Variants in CDH4 observed in about 807,000 individuals in gnomAD.
The protein encoded by CDH4 is cadherin 4.
A neutral mutation model predicts 86.0 loss-of-function variants in CDH4; 33 were observed. The ratio of observed to expected loss-of-function variants is 0.38; its 90% CI spans 0.29 to 0.51. The LOEUF is 0.51. Ranked by LOEUF, CDH4 falls within the 20% of genes least tolerant of loss-of-function variation. CDH4 has a pLI of 0.86. For synonymous variants in CDH4, 555 were observed against 549.4 expected (o/e 1.01, Z -0.14); for missense variants, 1,114 against 1,307.4 (o/e 0.85, Z 2.28).
At chr20:61,675,773 A>C (rs2087438367) in intron 2 of CDH4, among the ~76,000 whole-genome samples, 1 of 138,304 alleles carries the variant, frequency 7.2e-6, no homozygotes, top group Non-Finnish European at 1.6e-5. Flanking sequence ...CAACCATCGC[A>C]GGGGCTGAGG....
rs372624093 is a variant in CDH4 at position 61,902,805 on chromosome 20, G to A, written c.1189-7617G>A. Among the ~76,000 whole-genome samples, 4 of 152,294 alleles carry A rather than the reference G, an allele frequency of 2.6e-5. No individual in the cohort carries two copies. The highest frequency in any genetic ancestry group is 1.9e-4 in the East Asian group (1 of 5,176). On this transcript the variant is annotated intron_variant, in intron 8 of 15. Coordinates refer to ENST00000614565, the MANE Select transcript of CDH4 (RefSeq NM_001794.5). This position sits in a 1 kb window ranked among gnomAD's most constrained non-coding sequence, Gnocchi z 4.6. ...GGAGGAAGATTCTAGCATTGCAGAC[G>A]TCTAAGTATGAGGTCAGCGCCTCGT...
chr20:61,317,251 G>T (rs561336228), intron 2 of CDH4, among the ~76,000 whole-genome samples: 1 of 152,008 alleles, frequency 6.6e-6, no homozygotes, highest in Non-Finnish European at 1.5e-5. Context: ...GGTGGCGAGC[G>T]CCCGCAGTCC....
chr20:61,255,829 C>T (rs1600809625), intron 2 of CDH4, among the ~76,000 whole-genome samples: 1 of 152,104 alleles, frequency 6.6e-6, no homozygotes, highest in African/African-American at 2.4e-5. Context: ...CTCGCTCACG[C>T]TTATAGTGAA....
intron 2 of CDH4, among the ~76,000 whole-genome samples, chr20:61,693,321 T>C (rs2087679481): frequency 6.6e-6 from 1 of 152,250 alleles, no homozygotes; most frequent in Non-Finnish European, 1.5e-5. Context: ...TTCTGTGGAC[T>C]GCCTGCTCTG....
intron 2 of CDH4, among the ~76,000 whole-genome samples, chr20:61,688,326 T>C (rs2087611808): frequency 6.6e-6 from 1 of 151,724 alleles, no homozygotes; most frequent in African/African-American, 2.4e-5. Flanking sequence ...TCCTCCTCCC[T>C]CCTCTCTCCC....
intron 2 of CDH4, among the ~76,000 whole-genome samples, chr20:61,674,234 TG>T (rs541484351): frequency 8.1e-4 from 123 of 151,950 alleles, no homozygotes; most frequent in African/African-American, 2.8e-3. Flanking sequence ...CCGAGTCCCG[TG>T]GGGCGGAGAG....
chr20:61,777,944 C>T (rs2145994011), intron 4 of CDH4, among the ~76,000 whole-genome samples: 1 of 151,464 alleles, frequency 6.6e-6, no homozygotes, highest in South Asian at 2.1e-4. Flanking sequence ...GCATACTATA[C>T]ACACATGCAC....
chr20:61,431,118 C>A (rs2085243935), intron 2 of CDH4, among the ~76,000 whole-genome samples: 1 of 152,208 alleles, frequency 6.6e-6, no homozygotes, highest in Admixed American at 6.5e-5. Context: ...ACGCACAGAT[C>A]CACCCAAGGA....
chr20:61,759,374 G>A (rs1018279975), intron 3 of CDH4, among the ~76,000 whole-genome samples: 3 of 152,208 alleles, frequency 2.0e-5, no homozygotes, highest in Non-Finnish European at 4.4e-5. Context: ...GCAAGAACAG[G>A]GGTGTCTGTG....
chr20:61,718,925 G>A (rs762403908), intron 2 of CDH4: 1 of 471,092 alleles, frequency 2.1e-6, no homozygotes, highest in Admixed American at 2.3e-5. Flanking sequence ...CCAGCCCAGG[G>A]TGTTGGTTAG....
At chr20:61,607,591 T>C (rs926081032) in intron 2 of CDH4, among the ~76,000 whole-genome samples, 9 of 152,180 alleles carry the variant, frequency 5.9e-5, no homozygotes, top group African/African-American at 2.2e-4. Flanking sequence ...TTTAAGGAGT[T>C]TTTCCGACAC....
At chr20:61,523,420 T>C (rs999918505) in intron 2 of CDH4, among the ~76,000 whole-genome samples, 1 of 152,358 alleles carries the variant, frequency 6.6e-6, no homozygotes, top group Non-Finnish European at 1.5e-5. Flanking sequence ...GACACACCCT[T>C]CCAGCATTCC....
chr20:61,915,121 A>C (rs998322484), intron 9 of CDH4, among the ~76,000 whole-genome samples: 9 of 152,218 alleles, frequency 5.9e-5, no homozygotes, highest in Non-Finnish European at 1.2e-4. Context: ...AGATGGCATA[A>C]CTGGGAGCCC....
At chr20:61,908,838 C>A (rs570638248) in intron 8 of CDH4, among the ~76,000 whole-genome samples, 33 of 152,340 alleles carry the variant, frequency 2.2e-4, no homozygotes, top group African/African-American at 7.7e-4. Context: ...GACAAAGCCC[C>A]GTCCCAACGG....
chr20:61,899,398 C>T (rs1328545621), intron 8 of CDH4, among the ~76,000 whole-genome samples: 1 of 152,122 alleles, frequency 6.6e-6, no homozygotes, highest in Non-Finnish European at 1.5e-5. Context: ...GATCTATTCC[C>T]CGTCCCAAGC....
At chr20:61,586,041 A>G (rs1292693175) in intron 2 of CDH4, among the ~76,000 whole-genome samples, 1 of 148,068 alleles carries the variant, frequency 6.8e-6, no homozygotes, top group African/African-American at 2.5e-5. Context: ...TGATGTGGTG[A>G]TGAGGAGGAT....
chr20:61,807,012 A>G lies in CDH4; in HGVS notation c.576+33830A>G, dbSNP rs1364277314. ...TTTGACAGGGGATCTTTTTTTAACT[A>G]CTACAAAGCCCTCTAATAATGGGTT... On this transcript the variant is annotated intron_variant, in intron 4 of 15. Transcript: ENST00000614565. The surrounding 1 kb of genome is among the most constrained non-coding windows in gnomAD (Gnocchi z 4.5). 6.6e-6 allele frequency among the ~76,000 whole-genome samples: 1 copy of G among 152,146 alleles called. No homozygotes were observed. The highest frequency in any genetic ancestry group is 1.9e-4 in the East Asian group (1 of 5,198).
At chr20:61,759,504 G>A (rs915271919) in intron 3 of CDH4, among the ~76,000 whole-genome samples, 7 of 152,120 alleles carry the variant, frequency 4.6e-5, no homozygotes, top group South Asian at 2.1e-4. Context: ...CGTTTATCGC[G>A]GTCCTCACCA....
intron 6 of CDH4, among the ~76,000 whole-genome samples, 169 bp from the exon 7 acceptor site, chr20:61,873,559 G>A (rs1392921168): frequency 6.6e-6 from 1 of 152,262 alleles, no homozygotes; most frequent in Non-Finnish European, 1.5e-5. Context: ...AAGGTGGGGT[G>A]GAGGCGGCAG....
Sources: allele counts gnomAD v4.1 joint callset (sites outside exome capture counted in the v4.1 genomes callset), GRCh38; gene constraint gnomAD v4.1.1; non-coding constraint Gnocchi (gnomAD v3.1); transcripts MANE v1.5; gene names NCBI Gene and HGNC (gene_info 2026-07-23, HGNC 2026-07-21).